Variants in RABGAP1L observed in about 807,000 individuals in gnomAD.
The protein encoded by RABGAP1L is rab GTPase-activating protein 1-like.
A neutral mutation model predicts 137.7 loss-of-function variants in RABGAP1L; 63 were observed. The ratio of observed to expected loss-of-function variants is 0.46; its 90% confidence interval spans 0.37 to 0.56. The LOEUF (loss-of-function observed/expected upper bound fraction) is 0.56, where lower values mean the gene tolerates loss of function less well. Ranked by LOEUF, RABGAP1L falls within the 20% of genes least tolerant of loss-of-function variation. The pLI, the probability that RABGAP1L is intolerant of heterozygous loss-of-function variation, is 0.00. For synonymous variants in RABGAP1L, 431 were observed against 433.7 expected (o/e 0.99, Z 0.08); for missense variants, 1,095 against 1,244.0 (o/e 0.88, Z 1.80).
At chr1:174,573,289 G>A (rs1668126968) in intron 13 of RABGAP1L, among the ~76,000 whole-genome samples, 1 of 149,146 alleles carries the variant, frequency 6.7e-6, no homozygotes, top group Non-Finnish European at 1.5e-5. Flanking sequence ...ATGTTTATAT[G>A]TATGTGTGTA....
chr1:174,627,952 A>G (rs1673042670), intron 13 of RABGAP1L, among the ~76,000 whole-genome samples: 1 of 152,208 alleles, frequency 6.6e-6, no homozygotes, highest in Non-Finnish European at 1.5e-5. Flanking sequence ...TGTCCTTTCC[A>G]TACATGACTT....
chr1:174,349,622 GC>G (rs1682868939), intron 11 of RABGAP1L, among the ~76,000 whole-genome samples: 1 of 140,890 alleles, frequency 7.1e-6, no homozygotes, highest in African/African-American at 2.6e-5. Flanking sequence ...GGGGCGGCTG[GC>G]CGGGTGGGGG....
chr1:174,738,800 A>G (rs1423204537), intron 17 of RABGAP1L, among the ~76,000 whole-genome samples: 1 of 152,212 alleles, frequency 6.6e-6, no homozygotes, highest in Non-Finnish European at 1.5e-5. Context: ...GGTTCAATAT[A>G]CTATGTTTAA....
chr1:174,824,488 C>G (rs926366092), intron 19 of RABGAP1L, among the ~76,000 whole-genome samples: 1 of 152,016 alleles, frequency 6.6e-6, no homozygotes, highest in African/African-American at 2.4e-5. Flanking sequence ...GAGCAAGACT[C>G]TGTCTCTAAA....
At chr1:174,770,183 A>T (rs1490607967) in intron 18 of RABGAP1L, among the ~76,000 whole-genome samples, 2 of 152,172 alleles carry the variant, frequency 1.3e-5, no homozygotes, top group Admixed American at 6.5e-5. Context: ...CTCCTGGATC[A>T]TTTGTTACTT....
intron 13 of RABGAP1L, among the ~76,000 whole-genome samples, chr1:174,413,973 C>T (rs1306099923): frequency 1.3e-5 from 2 of 152,138 alleles, no homozygotes; most frequent in Admixed American, 6.6e-5. Context: ...CACATCTGCC[C>T]ACACGTCCCC....
chr1:174,954,254 CA>C (rs1668173479), intron 19 of RABGAP1L: 1 of 152,164 alleles, frequency 6.6e-6, no homozygotes, highest in African/African-American at 2.4e-5. Context: ...GGTGGATGCT[CA>C]GTATCACCCC....
chr1:174,430,123 C>G (rs956676867), intron 13 of RABGAP1L, among the ~76,000 whole-genome samples: 6 of 151,974 alleles, frequency 3.9e-5, no homozygotes, highest in African/African-American at 1.5e-4. Flanking sequence ...AGTGGCTCAC[C>G]CTTGTTATTC....
Position 174,216,562 on chromosome 1 carries a change from T to C in RABGAP1L, c.-33-2563T>C, listed in dbSNP as rs971649177. 1.3e-3 allele frequency among the ~76,000 whole-genome samples: 185 copies of C among 142,524 alleles called. 3 individuals are homozygous for C. Among genetic ancestry groups the C allele is most frequent in the East Asian group, 4.3e-3 (21 of 4,856 alleles). The allele number at this position is 142,524 out of a possible 152,430, so 93.5% of individuals were successfully genotyped here. A position where few individuals can be genotyped will look rare whatever the true frequency, so the allele number is the denominator to read the frequency against. On this transcript the variant is annotated intron_variant, in intron 1 of 25. Coordinates refer to ENST00000681986, the MANE Select transcript of RABGAP1L (RefSeq NM_001366446.1). ...AATTCCTCCCTCTCTCCCCCTCCCC[T>C]TTTTTTTTTTGCCATTGCTGTCATG...
At chr1:174,366,015 AT>A (rs147612579) in intron 11 of RABGAP1L, among the ~76,000 whole-genome samples, 2 of 151,112 alleles carry the variant, frequency 1.3e-5, no homozygotes, top group African/African-American at 2.4e-5. Flanking sequence ...ATAAATTTTG[AT>A]TTTTTTTTGG....
chr1:174,650,913 T>C (rs1675426328), intron 14 of RABGAP1L, among the ~76,000 whole-genome samples: 2 of 143,748 alleles, frequency 1.4e-5, no homozygotes, highest in Admixed American at 1.4e-4. Context: ...TCTAGTTCTT[T>C]TAATTGTGAT....
At chr1:174,952,839 C>G (rs924619750) in intron 19 of RABGAP1L, among the ~76,000 whole-genome samples, 1 of 151,996 alleles carries the variant, frequency 6.6e-6, no homozygotes, top group East Asian at 1.9e-4. Flanking sequence ...ATCCACCCAC[C>G]TTGACTTCCC....
chr1:174,263,383 T>C (rs1673766828), intron 7 of RABGAP1L, among the ~76,000 whole-genome samples: 1 of 152,252 alleles, frequency 6.6e-6, no homozygotes, highest in Non-Finnish European at 1.5e-5. Context: ...TTAAATTCTC[T>C]TTGTAGTTAC....
chr1:174,507,486 A>G (rs1428431308), intron 13 of RABGAP1L, among the ~76,000 whole-genome samples: 1 of 152,170 alleles, frequency 6.6e-6, no homozygotes, highest in Non-Finnish European at 1.5e-5. Context: ...TTTTTATTAT[A>G]TGCTTTTTGA....
intron 13 of RABGAP1L, among the ~76,000 whole-genome samples, chr1:174,447,202 G>T (rs993580706): frequency 6.6e-6 from 1 of 152,120 alleles, no homozygotes; most frequent in Non-Finnish European, 1.5e-5. Flanking sequence ...GATTAAAACT[G>T]CTTTCATCTA....
chr1:174,284,924 A>G (rs556980637), intron 10 of RABGAP1L, among the ~76,000 whole-genome samples: 1 of 151,814 alleles, frequency 6.6e-6, no homozygotes, highest in Admixed American at 6.6e-5. Flanking sequence ...GATAGTATGG[A>G]CATTTCAACA....
chr1:174,210,671 A>G (rs1224504898), intron 1 of RABGAP1L, among the ~76,000 whole-genome samples: 1 of 152,210 alleles, frequency 6.6e-6, no homozygotes, highest in African/African-American at 2.4e-5. Context: ...ATGGGTAGAA[A>G]GTTTATTCAA....
chr1:174,962,677 C>G (rs1210246095), intron 20 of RABGAP1L, among the ~76,000 whole-genome samples: 2 of 152,088 alleles, frequency 1.3e-5, no homozygotes, highest in Non-Finnish European at 2.9e-5. Flanking sequence ...TTCTTTTAAA[C>G]TTGACAAATA....
chr1:174,305,799 G>T (rs1464770737), intron 11 of RABGAP1L, among the ~76,000 whole-genome samples: 1 of 151,166 alleles, frequency 6.6e-6, no homozygotes, highest in Non-Finnish European at 1.5e-5. Context: ...AAGTTCTAGG[G>T]TACATGTGCA....
Sources: gnomAD v4.1 joint callset for allele counts (sites outside exome capture counted in the v4.1 genomes callset) on GRCh38, gnomAD v4.1.1 for gene constraint, MANE v1.5 for transcripts, NCBI Gene and HGNC (gene_info 2026-07-23, HGNC 2026-07-21) for gene names.